Variants in WDR88 observed in about 807,000 individuals in gnomAD.
WDR88 encodes WD repeat domain 88.
Under a neutral mutation model 46.8 loss-of-function variants are expected in WDR88, and 40 were observed. The ratio of observed to expected loss-of-function variants is 0.86; its 90% CI spans 0.66 to 1.11. The LOEUF (loss-of-function observed/expected upper bound fraction) is 1.11, where lower values mean the gene tolerates loss of function less well. WDR88 is among the 50% of genes most tolerant of loss of function. The pLI is 0.00. For synonymous variants in WDR88, 235 were observed against 240.7 expected (o/e 0.98, Z 0.22); for missense variants, 562 against 602.4 (o/e 0.93, Z 0.70).
intron 5 of WDR88, among the ~76,000 whole-genome samples, chr19:33,149,341 CA>C (rs1236921123): frequency 1.4e-5 from 2 of 146,194 alleles, no homozygotes; most frequent in Non-Finnish European, 2.9e-5. Context: ...AACAAACAAA[CA>C]AAAAACAAAC....
chr19:33,136,688 G>A (rs907998702), intron 1 of WDR88, among the ~76,000 whole-genome samples: 2 of 151,512 alleles, frequency 1.3e-5, no homozygotes, highest in African/African-American at 4.8e-5. Context: ...TCAGCCTCCT[G>A]AGTAGTTGGG....
At chr19:33,171,008 CAG>C (rs1971331268) in intron 9 of WDR88, among the ~76,000 whole-genome samples, 1 of 152,052 alleles carries the variant, frequency 6.6e-6, no homozygotes, top group Admixed American at 6.6e-5. Context: ...TTTTTTGAGA[CAG>C]AGTCTCGCTC....
intron 7 of WDR88, among the ~76,000 whole-genome samples, chr19:33,158,354 A>G (rs1973801343): frequency 6.6e-6 from 1 of 152,006 alleles, no homozygotes; most frequent in Non-Finnish European, 1.5e-5. Context: ...TCAGAATCAC[A>G]TGCAGTTGAG....
At chr19:33,157,133 G>T (rs1236621306) in intron 7 of WDR88, among the ~76,000 whole-genome samples, 1 of 151,794 alleles carries the variant, frequency 6.6e-6, no homozygotes, top group Non-Finnish European at 1.5e-5. Context: ...GGAGTTTGAG[G>T]CTGCAGTGAG....
At chr19:33,173,212 G>A (rs1365821421) in intron 10 of WDR88, among the ~76,000 whole-genome samples, 2 of 152,068 alleles carry the variant, frequency 1.3e-5, no homozygotes, top group Non-Finnish European at 2.9e-5. Flanking sequence ...GGTGGAGTGA[G>A]GGGGCTTGGA....
intron 9 of WDR88, among the ~76,000 whole-genome samples, chr19:33,165,285 A>C (rs924943063): frequency 6.6e-6 from 1 of 152,168 alleles, no homozygotes; most frequent in Non-Finnish European, 1.5e-5. Context: ...TTCTAAATCC[A>C]GGAGACTGTG....
At chr19:33,153,244 T>G (rs1249950974) in intron 6 of WDR88, among the ~76,000 whole-genome samples, 1 of 147,012 alleles carries the variant, frequency 6.8e-6, no homozygotes, top group Non-Finnish European at 1.5e-5. Flanking sequence ...TTTTTTTTTT[T>G]TGCAGAAACG....
At chr19:33,167,768 CCTCTCCT>C (rs1015673989) in intron 9 of WDR88, among the ~76,000 whole-genome samples, 15 of 151,160 alleles carry the variant, frequency 9.9e-5, no homozygotes, top group Non-Finnish European at 1.5e-4. Flanking sequence ...CCTCCTCTCT[CCTCTCCT>C]CTCTCCTCTC....
intron 8 of WDR88, among the ~76,000 whole-genome samples, chr19:33,162,698 C>T (rs577114168): frequency 3.3e-5 from 5 of 152,164 alleles, no homozygotes; most frequent in Admixed American, 2.6e-4. Context: ...TATTTCTCCC[C>T]CAATCTTGCT....
chr19:33,138,974 G>C (rs934713210), intron 2 of WDR88, among the ~76,000 whole-genome samples: 1 of 152,094 alleles, frequency 6.6e-6, no homozygotes, highest in Non-Finnish European at 1.5e-5. Context: ...GAGCCACTGT[G>C]CCCGGCCACC....
intron 10 of WDR88, chr19:33,174,348 A>G (rs1974090172): frequency 6.8e-7 from 1 of 1,462,198 alleles, no homozygotes; most frequent in South Asian, 1.3e-5. Context: ...AGTGGGCAGA[A>G]CAGCAAAGCC....
intron 1 of WDR88, among the ~76,000 whole-genome samples, chr19:33,135,208 A>T (rs1973237892): frequency 6.6e-6 from 1 of 151,696 alleles, no homozygotes; most frequent in South Asian, 2.1e-4. Flanking sequence ...GTTCCCCAAT[A>T]CCCATCCTGC....
At chr19:33,141,988 G>A (rs911457190) in intron 2 of WDR88, among the ~76,000 whole-genome samples, 1 of 152,088 alleles carries the variant, frequency 6.6e-6, no homozygotes, top group Non-Finnish European at 1.5e-5. Context: ...GAGGAAAAGG[G>A]GCTTTTAAAA....
intron 5 of WDR88, among the ~76,000 whole-genome samples, 187 bp from the exon 6 acceptor site, chr19:33,150,994 C>G (rs1228296198): frequency 2.0e-5 from 3 of 152,224 alleles, no homozygotes; most frequent in Non-Finnish European, 4.4e-5. Context: ...GGGCAGGGAA[C>G]CTGCTGTGCT....
chr19:33,164,263 A>G lies in WDR88; in HGVS notation c.1147A>G (p.Lys383Glu). The G allele has an allele frequency of 1.2e-6, 2 of 1,613,904 alleles. No individual in the cohort carries two copies. The highest frequency in any genetic ancestry group is 1.1e-5 in the South Asian group (1 of 91,066). ...NNKKWILSAS[K>E]DRTMRLWNIE... is the part of the protein sequence containing the mutation. ...CAAGAAATGGATCCTGTCTGCTTCC[A>G]AGGTAAAAGTGGTCAAGCTTACAAT... The change falls in exon 9 of 11, where the codon AAG (lysine) becomes GAG (glutamate). Residue 383 changes from lysine to glutamate, a missense_variant and splice_region_variant. Lys to Glu is a moderately conservative substitution (Grantham distance 56, BLOSUM62 1). Coordinates refer to ENST00000355868, the MANE Select transcript of WDR88 (RefSeq NM_173479.4).
intron 1 of WDR88, among the ~76,000 whole-genome samples, chr19:33,135,969 A>C (rs923407276): frequency 1.3e-5 from 2 of 151,758 alleles, no homozygotes; most frequent in Non-Finnish European, 2.9e-5. Context: ...AGCTCACTGC[A>C]GCCTCTACCT....
intron 1 of WDR88, among the ~76,000 whole-genome samples, chr19:33,134,519 T>C (rs935540389): frequency 2.0e-5 from 3 of 151,956 alleles, no homozygotes; most frequent in African/African-American, 7.3e-5. Flanking sequence ...TTAATGATAG[T>C]TGGGTTTTCC....
chr19:33,151,517 T>C (rs1247487053), intron 6 of WDR88, among the ~76,000 whole-genome samples: 1 of 152,096 alleles, frequency 6.6e-6, no homozygotes, highest in Non-Finnish European at 1.5e-5. Context: ...TTTGTTTCAA[T>C]GTGAGCCACT....
At chr19:33,173,799 G>A (rs1010891639) in intron 10 of WDR88, among the ~76,000 whole-genome samples, 6 of 152,236 alleles carry the variant, frequency 3.9e-5, no homozygotes, top group Admixed American at 6.5e-5. Flanking sequence ...GGGTTGGACC[G>A]TGGGATGTAG....
Sources: gnomAD v4.1 joint callset for allele counts (sites outside exome capture counted in the v4.1 genomes callset) on GRCh38, gnomAD v4.1.1 for gene constraint, MANE v1.5 for transcripts, NCBI Gene and HGNC (gene_info 2026-07-23, HGNC 2026-07-21) for gene names.